Variants in ZFHX3 observed in about 807,000 individuals in gnomAD.
ZFHX3 encodes the protein zinc finger homeobox 3.
ZFHX3 carries 42 observed loss-of-function variants against 279.1 expected under a neutral mutation model. The ratio of observed to expected loss-of-function variants is 0.15; its 90% CI spans 0.12 to 0.19. ZFHX3 has a LOEUF of 0.19. Among genes scored for constraint, ZFHX3 ranks in the 10% least tolerant of loss-of-function variants. The pLI, the probability that ZFHX3 is intolerant of heterozygous loss-of-function variation, is 1.00. For synonymous variants in ZFHX3, 2,293 were observed against 1,957.8 expected, an observed-to-expected ratio of 1.17 and a Z score of -4.52; for missense variants, 4,981 against 4,754.0, an observed-to-expected ratio of 1.05 and a Z score of -1.40.
intron 2 of ZFHX3, among the ~76,000 whole-genome samples, chr16:73,473,406 T>G (rs1406617460): frequency 1.3e-5 from 2 of 148,986 alleles, no homozygotes; most frequent in African/African-American, 5.0e-5. Flanking sequence ...GACTTGTGTA[T>G]GGAATCATTC....
chr16:73,646,408 TAAG>T (rs933026448), intron 2 of ZFHX3, among the ~76,000 whole-genome samples: 7 of 151,550 alleles, frequency 4.6e-5, no homozygotes, highest in African/African-American at 7.3e-5. Flanking sequence ...TCATAGAAAA[TAAG>T]AAAGAATGAC....
chr16:73,723,150 T>C lies in ZFHX3; in HGVS notation c.-1607-42910A>G, dbSNP rs537340228. Among the ~76,000 whole-genome samples the C allele has an allele frequency of 7.0e-4, 107 of 152,288 alleles. No homozygotes were observed. The Middle Eastern group carries it at 0.01, about 15-fold the overall frequency. ...ATCCACTATGAGAAACACAACCCCA[T>C]TGGCCACGGACTGATCTTTCACTGT... On this transcript the variant is annotated intron_variant, in intron 1 of 17. Coordinates refer to the ZFHX3 transcript ENST00000641206.
At chr16:73,510,422 A>G (rs1421063965) in intron 2 of ZFHX3, among the ~76,000 whole-genome samples, 1 of 152,172 alleles carries the variant, frequency 6.6e-6, no homozygotes, top group East Asian at 1.9e-4. Flanking sequence ...ATTACTTGCT[A>G]TTCATTGTCT....
intron 2 of ZFHX3, among the ~76,000 whole-genome samples, chr16:73,659,859 A>G (rs1428718891): frequency 6.6e-6 from 1 of 152,194 alleles, no homozygotes; most frequent in Non-Finnish European, 1.5e-5. Flanking sequence ...AAGCTTAACA[A>G]AGCCATTTAA....
At chr16:73,078,087 G>C (rs760046711) in intron 8 of ZFHX3, among the ~76,000 whole-genome samples, 2 of 152,172 alleles carry the variant, frequency 1.3e-5, no homozygotes, top group African/African-American at 2.4e-5. Flanking sequence ...CTACAGGCGT[G>C]AGCCACTGTG....
chr16:73,035,047 C>T (rs1365633419), intron 1 of ZFHX3, among the ~76,000 whole-genome samples: 1 of 152,156 alleles, frequency 6.6e-6, no homozygotes, highest in Non-Finnish European at 1.5e-5. Context: ...GCTGCACCAT[C>T]CACTAGGTAG....
At chr16:72,964,806 T>G (rs1389261503) in intron 1 of ZFHX3, among the ~76,000 whole-genome samples, 3 of 152,198 alleles carry the variant, frequency 2.0e-5, no homozygotes, top group Non-Finnish European at 4.4e-5. Context: ...GATACTATTT[T>G]TATCCCCATT....
chr16:72,989,580 A>G (rs1962997251), intron 1 of ZFHX3, among the ~76,000 whole-genome samples: 1 of 152,236 alleles, frequency 6.6e-6, no homozygotes, highest in African/African-American at 2.4e-5. Context: ...GCACATGGAT[A>G]AGTCAACAAT....
chr16:72,960,157 C>T lies in ZFHX3; in HGVS notation c.-12G>A, dbSNP rs371319542. On this transcript the variant is annotated 5_prime_UTR_variant, in exon 2 of 10. Coordinates refer to ENST00000268489, the MANE Select transcript of ZFHX3 (RefSeq NM_006885.4). ...TCACAGCCTTCCATGGTAAGGCCTG[C>T]GTGGAGCTTTCATTGCACCCAGTAC... 68 of 1,548,156 alleles carry T rather than the reference C, an allele frequency of 4.4e-5. No individual in the cohort carries two copies. Among genetic ancestry groups the T allele is most frequent in the East Asian group, 9.1e-5 (4 of 44,074 alleles).
chr16:73,733,622 T>C (rs554044732), intron 1 of ZFHX3, among the ~76,000 whole-genome samples: 10 of 152,330 alleles, frequency 6.6e-5, no homozygotes, highest in Non-Finnish European at 1.0e-4. Flanking sequence ...TAGAACTGTG[T>C]TGACTACTTT....
intron 5 of ZFHX3, chr16:72,829,540 G>C: frequency 2.1e-6 from 1 of 484,848 alleles, no homozygotes; most frequent in East Asian, 3.0e-5. Flanking sequence ...GCTGGCTTTG[G>C]TGCCACTTAA....
intron 1 of ZFHX3, among the ~76,000 whole-genome samples, chr16:73,881,642 T>G (rs1415927388): frequency 6.6e-6 from 1 of 151,990 alleles, no homozygotes; most frequent in Non-Finnish European, 1.5e-5. Flanking sequence ...ATATTCTGGA[T>G]ATTTGCTAGG....
chr16:73,685,623 G>A (rs1044434256), intron 1 of ZFHX3, among the ~76,000 whole-genome samples: 1 of 152,242 alleles, frequency 6.6e-6, no homozygotes, highest in African/African-American at 2.4e-5. Context: ...GCGGTAGCAT[G>A]CATCAGCAAC....
chr16:72,983,093 T>C (rs1962680668), intron 1 of ZFHX3, among the ~76,000 whole-genome samples: 1 of 152,142 alleles, frequency 6.6e-6, no homozygotes. Context: ...GCTTATTCTA[T>C]GGGTGTGAGC....
chr16:73,796,771 C>T (rs1274230833), intron 1 of ZFHX3, among the ~76,000 whole-genome samples: 2 of 152,112 alleles, frequency 1.3e-5, no homozygotes, highest in Admixed American at 1.3e-4. Flanking sequence ...AAAGAGATGG[C>T]AAAGGGGACC....
At chr16:73,630,273 A>G (rs1471843471) in intron 2 of ZFHX3, among the ~76,000 whole-genome samples, 1 of 99,030 alleles carries the variant, frequency 1.0e-5, no homozygotes, top group Non-Finnish European at 2.6e-5. Context: ...CCTTTAGAGG[A>G]TCAAAAGGAA....
At chr16:73,575,096 A>G (rs2143812908) in intron 2 of ZFHX3, among the ~76,000 whole-genome samples, 1 of 152,300 alleles carries the variant, frequency 6.6e-6, no homozygotes, top group South Asian at 2.1e-4. Flanking sequence ...TTGACTTCTT[A>G]CAGCTGCCTT....
upstream of ZFHX3, among the ~76,000 whole-genome samples, chr16:73,050,137 G>A (rs959199615): frequency 2.0e-5 from 3 of 152,178 alleles, no homozygotes; most frequent in East Asian, 1.9e-4. Flanking sequence ...GGACAACCTC[G>A]TAATCTGGTG....
intron 2 of ZFHX3, among the ~76,000 whole-genome samples, chr16:73,473,358 CAAA>C (rs1300049292): frequency 2.3e-3 from 99 of 43,166 alleles, no homozygotes; most frequent in African/African-American, 7.7e-3. Flanking sequence ...AAAAAAAAAA[CAAA>C]AAAAAAAAAA....
Sources: gnomAD v4.1 joint callset for allele counts (sites outside exome capture counted in the v4.1 genomes callset) on GRCh38, gnomAD v4.1.1 for gene constraint, MANE v1.5 for transcripts, NCBI Gene and HGNC (gene_info 2026-07-23, HGNC 2026-07-21) for gene names.